Variants in MGMT observed in about 807,000 individuals in gnomAD.
The protein encoded by MGMT is O-6-methylguanine-DNA methyltransferase, also known as methylated-DNA--protein-cysteine methyltransferase.
Under a neutral mutation model 15.9 loss-of-function variants are expected in MGMT, and 14 were observed. That is an observed-to-expected ratio of 0.88 (90% CI 0.58 to 1.37). The LOEUF is 1.37. Among genes scored for constraint, MGMT ranks in the 40% most tolerant of loss-of-function variants. MGMT has a pLI of 0.00. For synonymous variants in MGMT, 130 were observed against 118.2 expected (o/e 1.10, Z -0.65); for missense variants, 282 against 268.1 (o/e 1.05, Z -0.36).
At chr10:129,574,021 T>TC (rs1846449918) in intron 2 of MGMT, among the ~76,000 whole-genome samples, 2 of 152,204 alleles carry the variant, frequency 1.3e-5, no homozygotes, top group Admixed American at 1.3e-4. Flanking sequence ...GGGCAACATG[T>TC]CCCCCGACCC....
At chr10:129,648,943 C>T (rs1443014339) in intron 2 of MGMT, among the ~76,000 whole-genome samples, 1 of 152,202 alleles carries the variant, frequency 6.6e-6, no homozygotes, top group Admixed American at 6.5e-5. Flanking sequence ...CATCTGTGGT[C>T]TGGGCGGAGG....
intron 2 of MGMT, among the ~76,000 whole-genome samples, chr10:129,564,608 C>T (rs73386935): frequency 0.058 from 2,555 of 44,188 alleles, 305 homozygotes; most frequent in African/African-American, 0.17. Flanking sequence ...CCTCCTCCTC[C>T]CCCTCCTCCT....
intron 2 of MGMT, among the ~76,000 whole-genome samples, chr10:129,645,222 C>T (rs1242617398): frequency 3.3e-5 from 5 of 150,328 alleles, no homozygotes; most frequent in South Asian, 4.2e-4. Flanking sequence ...TGGGTTCAAG[C>T]GATTCTGCTG....
At chr10:129,538,903 G>A (rs1846014282) in intron 2 of MGMT, among the ~76,000 whole-genome samples, 1 of 152,140 alleles carries the variant, frequency 6.6e-6, no homozygotes, top group South Asian at 2.1e-4. Context: ...CAAAGTACTG[G>A]GATTACAGGC....
At chr10:129,640,750 T>C (rs909620857) in intron 2 of MGMT, among the ~76,000 whole-genome samples, 1 of 152,118 alleles carries the variant, frequency 6.6e-6, no homozygotes, top group Non-Finnish European at 1.5e-5. Context: ...AGGAAATATA[T>C]AAAGGATGAT....
intron 2 of MGMT, among the ~76,000 whole-genome samples, chr10:129,692,813 G>A (rs1389059024): frequency 2.0e-5 from 3 of 152,200 alleles, no homozygotes; most frequent in Non-Finnish European, 4.4e-5. Context: ...GAGGGAGACA[G>A]GCTGTCTTTG....
intron 1 of MGMT, among the ~76,000 whole-genome samples, chr10:129,515,453 C>T (rs536941611): frequency 3.3e-5 from 5 of 151,940 alleles, no homozygotes; most frequent in African/African-American, 9.6e-5. Flanking sequence ...GGTCCTGTCT[C>T]ATTACTTGAT....
intron 1 of MGMT, among the ~76,000 whole-genome samples, chr10:129,495,920 C>T (rs1845516260): frequency 6.6e-6 from 1 of 152,168 alleles, no homozygotes; most frequent in African/African-American, 2.4e-5. Context: ...TCCCCAGCGT[C>T]CAGCAGGCTG....
chr10:129,571,867 T>A (rs1027239309), intron 2 of MGMT, among the ~76,000 whole-genome samples: 10 of 152,248 alleles, frequency 6.6e-5, no homozygotes, highest in Non-Finnish European at 1.5e-5. Flanking sequence ...TGCATCAGAA[T>A]ACAATATAAA....
intron 3 of MGMT, among the ~76,000 whole-genome samples, chr10:129,741,411 G>A (rs1273390623): frequency 6.6e-6 from 1 of 152,234 alleles, no homozygotes; most frequent in Non-Finnish European, 1.5e-5. Context: ...CCACGCGTGT[G>A]GTGCGAGGCG....
At chr10:129,758,690 G>A (rs1043072096) in intron 3 of MGMT, among the ~76,000 whole-genome samples, 1 of 152,216 alleles carries the variant, frequency 6.6e-6, no homozygotes, top group Non-Finnish European at 1.5e-5. Context: ...GTGGTGCTTG[G>A]CACTCCGAGC....
chr10:129,671,818 CTT>C (rs1446479248), intron 2 of MGMT, among the ~76,000 whole-genome samples: 1 of 152,234 alleles, frequency 6.6e-6, no homozygotes, highest in East Asian at 1.9e-4. Flanking sequence ...TGTCTCGTCA[CTT>C]TGCAGCATTC....
intron 2 of MGMT, among the ~76,000 whole-genome samples, chr10:129,627,345 A>C (rs1162916514): frequency 6.6e-6 from 1 of 152,206 alleles, no homozygotes; most frequent in Non-Finnish European, 1.5e-5. Context: ...GAACCAGTCT[A>C]ACAAAAACAG....
chr10:129,693,555 C>G (rs1230736625), intron 2 of MGMT, among the ~76,000 whole-genome samples: 1 of 152,106 alleles, frequency 6.6e-6, no homozygotes, highest in Admixed American at 6.5e-5. Flanking sequence ...GTCAGTGTGT[C>G]TGCTCAGGGG....
rs575433873 is a variant in MGMT, at chr10:129,635,767, G to C, written c.126-72128G>C. ...CACCTATGTCTGTTAGCAATAGACA[G>C]ACATGTCTGTTACTTCCAAAGGACT... On this transcript the variant is annotated intron_variant, in intron 2 of 4. Transcript: ENST00000651593. 1.2e-4 allele frequency among the ~76,000 whole-genome samples: 19 copies of C among 152,350 alleles called. No homozygotes were observed. The South Asian group carries it at 3.9e-3, about 32-fold the overall frequency.
chr10:129,708,427 G>A (rs1404316897), intron 3 of MGMT, among the ~76,000 whole-genome samples: 2 of 152,180 alleles, frequency 1.3e-5, no homozygotes, highest in Middle Eastern at 3.2e-3. Context: ...TGGACATTTA[G>A]CTATTTCCAT....
intron 1 of MGMT, among the ~76,000 whole-genome samples, chr10:129,472,424 C>T (rs1199547398): frequency 6.6e-6 from 1 of 152,000 alleles, no homozygotes; most frequent in Non-Finnish European, 1.5e-5. Flanking sequence ...AGCTGAGTCT[C>T]ACGGAAGGAT....
intron 1 of MGMT, among the ~76,000 whole-genome samples, chr10:129,528,151 G>A (rs60396997): frequency 0.25 from 37,630 of 151,970 alleles, 5,585 homozygotes; most frequent in African/African-American, 0.42. Flanking sequence ...CTGAGAAATC[G>A]TGGGTGCCAG....
At chr10:129,569,364 GGC>G (rs1846391773) in intron 2 of MGMT, among the ~76,000 whole-genome samples, 1 of 152,160 alleles carries the variant, frequency 6.6e-6, no homozygotes. Context: ...GCCTGCGAGT[GGC>G]TCAGGCGAAT....
Sources: allele counts gnomAD v4.1 joint callset (sites outside exome capture counted in the v4.1 genomes callset), GRCh38; gene constraint gnomAD v4.1.1; transcripts MANE v1.5; gene names NCBI Gene and HGNC (gene_info 2026-07-23, HGNC 2026-07-21).